The following ETNPPL variants were observed in gnomAD, a reference collection of about 807,000 sequenced individuals.
ETNPPL encodes the protein alanine--glyoxylate aminotransferase 2-like 1.
Under a neutral mutation model 55.5 loss-of-function variants are expected in ETNPPL, and 30 were observed. That is an observed-to-expected ratio of 0.54 (90% CI 0.40 to 0.73). ETNPPL has a LOEUF of 0.73. Among genes scored for constraint, ETNPPL ranks in the 30% least tolerant of loss-of-function variants. The probability of loss-of-function intolerance (pLI) is 0.00; values close to 1 mark genes in which losing one functional copy is unlikely to be tolerated. For synonymous variants in ETNPPL, 202 were observed against 207.2 expected (o/e 0.98, Z 0.21); for missense variants, 528 against 607.9 (o/e 0.87, Z 1.38).
intron 6 of ETNPPL, 109 bp downstream of exon 6, chr4:108,752,786 C>A (rs990993275): frequency 2.9e-6 from 2 of 682,508 alleles, no homozygotes; most frequent in Non-Finnish European, 5.0e-6. Context: ...TAGAGAAGAA[C>A]AGAAAGGGAC....
intron 3 of ETNPPL, among the ~76,000 whole-genome samples, chr4:108,758,059 C>A (rs1209007663): frequency 7.2e-6 from 1 of 139,316 alleles, no homozygotes; most frequent in Non-Finnish European, 1.5e-5. Context: ...GGCTGGAGTG[C>A]AATGGTGTGA....
In ETNPPL at chr4:108,742,337, A is replaced by G. The variant is rs1728255938; in HGVS notation, c.*147T>C. The G allele has an allele frequency of 1.3e-6, 1 of 748,204 alleles. No individual in the cohort carries two copies. Among genetic ancestry groups the G allele is most frequent in the Admixed American group, 2.4e-5 (1 of 41,986 alleles). 46.3% of individuals were successfully genotyped at this position (748,204 alleles called of 1,614,324 possible). Reference sequence around the variant, plus strand: ...ACATGGTTTGATTATCACTTGGTTTATTCTGATTACTCATTTACCTTTTCA... The same window carrying G: ...ACATGGTTTGATTATCACTTGGTTTGTTCTGATTACTCATTTACCTTTTCA... On this transcript the variant is annotated 3_prime_UTR_variant, in exon 13 of 13. Transcript: ENST00000296486.
rs201843441 is a variant in ETNPPL, at chr4:108,756,837, C to CA, written c.336-346dup. Among the ~76,000 whole-genome samples, 112 of 150,258 alleles carry CA rather than the reference C, an allele frequency of 7.5e-4. 1 individual carries two copies. The highest frequency in any genetic ancestry group is 4.7e-3 in the East Asian group (24 of 5,130). ...TGAGACTCCATCTCCAGAACAACAACAAAAAAAAACATTTAGGATGTTAAT... is the reference window on the plus strand; with the variant it reads ...TGAGACTCCATCTCCAGAACAACAACAAAAAAAAAACATTTAGGATGTTAAT... On this transcript the variant is annotated intron_variant, in intron 3 of 12. Transcript: ENST00000296486.
intron 7 of ETNPPL, among the ~76,000 whole-genome samples, chr4:108,750,138 GATTGA>G (rs1452247017): frequency 2.0e-5 from 3 of 152,176 alleles, no homozygotes; most frequent in Non-Finnish European, 4.4e-5. Context: ...GTGTCAACTG[GATTGA>G]ATTGAAGGAC....
Position 108,760,219 on chromosome 4 carries a change from C to T in ETNPPL, c.144G>A (p.Gln48=). 6.2e-7 allele frequency: 1 copy of T among 1,610,490 alleles called. No individual in the cohort carries two copies. Among genetic ancestry groups the T allele is most frequent in the Non-Finnish European group, 8.5e-7 (1 of 1,176,792 alleles). ...CAACATTGTTGATGCAGTCCAAGTA[C>T]TGTTCACCGTTCTCATCAAACATGT... The part of the protein sequence containing the change: ...RQYMFDENGE[Q]YLDCINNVAH... The change falls in exon 2 of 13, where the codon CAG becomes CAA. Residue 48 remains glutamine (Q), a synonymous_variant. Transcript: ENST00000296486.
At chr4:108,745,019 T>C (rs1456460933) in intron 11 of ETNPPL, among the ~76,000 whole-genome samples, 1 of 152,186 alleles carries the variant, frequency 6.6e-6, no homozygotes, top group Non-Finnish European at 1.5e-5. Context: ...AGGCATGTGC[T>C]GCCATGCTGG....
chr4:108,744,899 A>G (rs919388291), intron 11 of ETNPPL, among the ~76,000 whole-genome samples: 1 of 151,654 alleles, frequency 6.6e-6, no homozygotes, highest in East Asian at 1.9e-4. Context: ...TTTGTATTTT[A>G]TTTTTTGTAG....
intron 4 of ETNPPL, among the ~76,000 whole-genome samples, chr4:108,755,779 C>T (rs544275027): frequency 5.9e-5 from 9 of 152,116 alleles, no homozygotes; most frequent in Non-Finnish European, 1.3e-4. Flanking sequence ...GGAGATCGCG[C>T]CACTGCACTC....
chr4:108,761,761 T>G (rs1729517394), intron 1 of ETNPPL, among the ~76,000 whole-genome samples: 1 of 152,222 alleles, frequency 6.6e-6, no homozygotes, highest in South Asian at 2.1e-4. Context: ...CTGGATTATT[T>G]TGATCCCACT....
chr4:108,743,658 A>G, intron 12 of ETNPPL, 131 bp downstream of exon 12: 1 of 696,306 alleles, frequency 1.4e-6, no homozygotes, highest in Non-Finnish European at 2.6e-6. Flanking sequence ...AATTGCAACA[A>G]TAAGTGAACC....
chr4:108,743,775 TA>T lies in ETNPPL; in HGVS notation c.1371+13del. 1.3e-6 allele frequency: 2 copies of T among 1,582,410 alleles called. No homozygotes were observed. Among genetic ancestry groups the T allele is most frequent in the Non-Finnish European group, 1.7e-6 (2 of 1,155,964 alleles). ...TTAAACTTTCCCCCTAAAAATAAAGTAGCCAACCCTTACCTTTGTTTTGCAT... is the reference window on the plus strand; with the variant it reads ...TTAAACTTTCCCCCTAAAAATAAAGTGCCAACCCTTACCTTTGTTTTGCAT... On this transcript the variant is annotated intron_variant, in intron 12 of 12. Transcript: ENST00000296486.
intron 7 of ETNPPL, among the ~76,000 whole-genome samples, chr4:108,750,398 T>C (rs1728837942): frequency 6.6e-6 from 1 of 151,930 alleles, no homozygotes; most frequent in Non-Finnish European, 1.5e-5. Flanking sequence ...CTCCAGGTTC[T>C]TCAGTTTTGG....
At position 108,748,052 on chromosome 4, in the gene ETNPPL, C is replaced by T. The variant is rs778357218; in HGVS notation, c.1035G>A (p.Glu345=). The part of the protein sequence containing the change: ...NAKRVGNYLT[E]LLKKQKAKHT... ...GTTTAGCCTTCTGTTTTTTCAGTAA[C>T]TCAGTGAGATAATTCCCTACTCTCT... Residue 345 remains glutamate, a synonymous_variant, in exon 9 of 13, where the codon GAG becomes GAA. Transcript: ENST00000296486. The T allele has an allele frequency of 4.3e-6, 7 of 1,611,722 alleles. No homozygotes were observed. In the East Asian group the frequency reaches 1.3e-4, roughly 31 times the overall value.
chr4:108,754,227 C>G (rs1729093495), intron 5 of ETNPPL, among the ~76,000 whole-genome samples: 1 of 152,018 alleles, frequency 6.6e-6, no homozygotes, highest in South Asian at 2.1e-4. Context: ...ATCCGCCCAC[C>G]TCGGCCTCCC....
intron 7 of ETNPPL, 90 bp from the exon 8 acceptor site, chr4:108,749,553 A>G: frequency 2.0e-6 from 2 of 981,498 alleles, no homozygotes; most frequent in Admixed American, 2.4e-5. Context: ...GACAAAAAAA[A>G]AAAGTTGTTA....
intron 6 of ETNPPL, 78 bp from the exon 7 acceptor site, chr4:108,751,096 G>A (rs757926600): frequency 4.1e-6 from 4 of 980,618 alleles, no homozygotes; most frequent in South Asian, 1.4e-5. Context: ...TTATAGAGCA[G>A]GTTATTTTAA....
rs1394680712 is a variant in ETNPPL at position 108,749,423 on chromosome 4, C to T, written c.742G>A (p.Val248Ile). Residue 248 changes from valine (V) to isoleucine (I), a missense_variant, in exon 8 of 13, where the codon GTT (valine) becomes ATT (isoleucine). By Grantham distance (29) the Val-to-Ile change is conservative. Coordinates refer to ENST00000296486, the MANE Select transcript of ETNPPL (RefSeq NM_031279.4). Reference protein sequence around the residue: ...GAGGVFIADEVQVGFGRVGKH... With the variant: ...GAGGVFIADEIQVGFGRVGKH... ...CCAACTCTGCCAAAGCCCACTTGAA[C>T]TTCATCAGCTATAAACACACCCCCT... 1 of 1,614,076 alleles carries T rather than the reference C, an allele frequency of 6.2e-7. No homozygotes were observed. The highest frequency in any genetic ancestry group is 8.5e-7 in the Non-Finnish European group (1 of 1,180,010).
At chr4:108,757,659 C>T (rs1377747515) in intron 3 of ETNPPL, among the ~76,000 whole-genome samples, 1 of 152,066 alleles carries the variant, frequency 6.6e-6, no homozygotes, top group African/African-American at 2.4e-5. Flanking sequence ...TTAGTCTTGG[C>T]TGGGTGCGGT....
rs529906083 is a variant in ETNPPL at position 108,758,010 on chromosome 4, T to C, written c.336-1518A>G. Among the ~76,000 whole-genome samples, 506 of 146,316 alleles carry C rather than the reference T, an allele frequency of 3.5e-3. 3 individuals are homozygous for C. The highest frequency in any genetic ancestry group is 0.012 in the African/African-American group (479 of 40,084). On this transcript the variant is annotated intron_variant, in intron 3 of 12. Coordinates refer to ENST00000296486, the MANE Select transcript of ETNPPL (RefSeq NM_031279.4). ...AATTTTCATATATATTTCTTTCTTT[T>C]TTTTTTTTTTTTTTTGACGGAGTCT...
Sources: gnomAD v4.1 joint callset for allele counts (sites outside exome capture counted in the v4.1 genomes callset) on GRCh38, gnomAD v4.1.1 for gene constraint, MANE v1.5 for transcripts, NCBI Gene and HGNC (gene_info 2026-07-23, HGNC 2026-07-21) for gene names.